ANKRD6: variants seen among roughly 807,000 people sequenced by gnomAD.
The protein encoded by ANKRD6 is ankyrin repeat domain-containing protein 6.
ANKRD6 carries 56 observed loss-of-function variants against 82.3 expected under a neutral mutation model. The ratio of observed to expected loss-of-function variants is 0.68; its 90% CI spans 0.55 to 0.85. ANKRD6 has a LOEUF of 0.85. Ranked by LOEUF, ANKRD6 falls within the 40% of genes least tolerant of loss-of-function variation. The pLI is 0.00. For synonymous variants in ANKRD6, 347 were observed against 352.1 expected (o/e 0.99, Z 0.16); for missense variants, 852 against 907.6 (o/e 0.94, Z 0.79).
intron 1 of ANKRD6, among the ~76,000 whole-genome samples, chr6:89,555,465 T>G (rs954469384): frequency 6.6e-6 from 1 of 152,122 alleles, no homozygotes. Context: ...TTATAGTCAT[T>G]AAGAAACTTG....
At chr6:89,546,694 C>G (rs1785140640) in intron 1 of ANKRD6, among the ~76,000 whole-genome samples, 1 of 152,166 alleles carries the variant, frequency 6.6e-6, no homozygotes, top group Non-Finnish European at 1.5e-5. Context: ...AACTCCTGAC[C>G]TCAAGTGATC....
chr6:89,615,943 G>A (rs970554422), intron 7 of ANKRD6, among the ~76,000 whole-genome samples: 1 of 152,200 alleles, frequency 6.6e-6, no homozygotes. Flanking sequence ...TAGGCTATCT[G>A]TAAGATGTAG....
At chr6:89,575,169 C>A (rs1316928823) in intron 2 of ANKRD6, among the ~76,000 whole-genome samples, 1 of 152,114 alleles carries the variant, frequency 6.6e-6, no homozygotes, top group Non-Finnish European at 1.5e-5. Context: ...GACCTACATT[C>A]AACTAGGTCA....
chr6:89,597,992 G>C, intron 3 of ANKRD6: 1 of 511,568 alleles, frequency 2.0e-6, no homozygotes, highest in Non-Finnish European at 2.5e-6. Context: ...TAGGAGATCA[G>C]TTATTTGAAA....
intron 15 of ANKRD6, chr6:89,629,610 C>T (rs1169070922): frequency 1.3e-5 from 4 of 307,870 alleles, no homozygotes. Flanking sequence ...TTTACCTCTT[C>T]CTTCTCTTTG....
chr6:89,437,229 G>T (rs1049812407), intron 1 of ANKRD6, among the ~76,000 whole-genome samples: 2 of 152,092 alleles, frequency 1.3e-5, no homozygotes, highest in Non-Finnish European at 2.9e-5. Context: ...CCTTTATTTG[G>T]ATGTCTTATC....
intron 1 of ANKRD6, among the ~76,000 whole-genome samples, chr6:89,536,355 G>A (rs2127998060): frequency 1.3e-5 from 2 of 152,356 alleles, no homozygotes; most frequent in Middle Eastern, 6.8e-3. Flanking sequence ...CAGGCGGGCT[G>A]CCTCTGCGCC....
intron 4 of ANKRD6, among the ~76,000 whole-genome samples, chr6:89,604,577 G>T (rs1209121528): frequency 6.6e-6 from 1 of 151,936 alleles, no homozygotes; most frequent in South Asian, 2.1e-4. Context: ...ACAAATAAGT[G>T]TGCAGCTTGT....
At chr6:89,575,163 T>C (rs1451876036) in intron 2 of ANKRD6, among the ~76,000 whole-genome samples, 1 of 152,188 alleles carries the variant, frequency 6.6e-6, no homozygotes, top group Non-Finnish European at 1.5e-5. Context: ...TGTTAAGACC[T>C]ACATTCAACT....
intron 7 of ANKRD6, among the ~76,000 whole-genome samples, chr6:89,615,912 G>T (rs1270290626): frequency 1.3e-5 from 2 of 152,218 alleles, no homozygotes; most frequent in Non-Finnish European, 2.9e-5. Flanking sequence ...CTTGTATAAA[G>T]ATAATATGAA....
At chr6:89,541,886 A>G (rs545987163) in intron 1 of ANKRD6, among the ~76,000 whole-genome samples, 1 of 151,820 alleles carries the variant, frequency 6.6e-6, no homozygotes, top group Non-Finnish European at 1.5e-5. Flanking sequence ...AGAATAACAG[A>G]AAGTTGTGAG....
At chr6:89,545,954 A>C (rs552981150) in intron 1 of ANKRD6, among the ~76,000 whole-genome samples, 68 of 152,046 alleles carry the variant, frequency 4.5e-4, no homozygotes, top group Non-Finnish European at 8.2e-4. Context: ...ACAGGTGCCC[A>C]CCACCACGCC....
intron 5 of ANKRD6, among the ~76,000 whole-genome samples, chr6:89,608,368 C>CTATATATATATATATATA (rs1554260576): frequency 3.8e-5 from 5 of 130,616 alleles, no homozygotes; most frequent in Middle Eastern, 3.8e-3. Flanking sequence ...CACACACACA[C>CTATATATATATATATATA]TATATATATA....
intron 1 of ANKRD6, among the ~76,000 whole-genome samples, chr6:89,511,129 G>A (rs569130735): frequency 7.0e-4 from 106 of 152,342 alleles, no homozygotes; most frequent in Non-Finnish European, 1.0e-3. Context: ...CTGAGGTCAT[G>A]AAGGGGTACG....
chr6:89,624,130 G>A, intron 12 of ANKRD6, 73 bp downstream of exon 12: 1 of 1,454,344 alleles, frequency 6.9e-7, no homozygotes, highest in Non-Finnish European at 9.2e-7. Context: ...GGCATTCCTG[G>A]GGGCTGATAG....
chr6:89,476,886 C>T (rs1370075604), intron 1 of ANKRD6, among the ~76,000 whole-genome samples: 1 of 152,162 alleles, frequency 6.6e-6, no homozygotes, highest in Non-Finnish European at 1.5e-5. Flanking sequence ...TTCATTTTTA[C>T]ATGTTTTAAA....
chr6:89,591,923 C>T (rs1193623940), intron 2 of ANKRD6, among the ~76,000 whole-genome samples: 1 of 152,226 alleles, frequency 6.6e-6, no homozygotes, highest in African/African-American at 2.4e-5. Context: ...CATTGTAGCT[C>T]AGCTCCTGAA....
chr6:89,605,157 G>A (rs1305161610), intron 4 of ANKRD6, among the ~76,000 whole-genome samples: 1 of 152,208 alleles, frequency 6.6e-6, no homozygotes, highest in Non-Finnish European at 1.5e-5. Context: ...GAAGCCAAGT[G>A]GATCACTTGA....
chr6:89,504,138 G>A (rs557637738), intron 1 of ANKRD6, among the ~76,000 whole-genome samples: 8 of 119,260 alleles, frequency 6.7e-5, no homozygotes, highest in East Asian at 3.1e-4. Context: ...GGGGGGCGGG[G>A]GGTGGGGGGG....
Sources: allele counts gnomAD v4.1 joint callset (sites outside exome capture counted in the v4.1 genomes callset), GRCh38; gene constraint gnomAD v4.1.1; transcripts MANE v1.5; gene names NCBI Gene and HGNC (gene_info 2026-07-23, HGNC 2026-07-21).